The following PKP4 variants were observed in gnomAD, a reference collection of about 807,000 sequenced individuals.
PKP4 encodes plakophilin-4.
A neutral mutation model predicts 145.1 loss-of-function variants in PKP4; 90 were observed. The ratio of observed to expected loss-of-function variants is 0.62; its 90% CI spans 0.52 to 0.74. PKP4 has a LOEUF of 0.74. Ranked by LOEUF, PKP4 falls within the 30% of genes least tolerant of loss-of-function variation. The probability of loss-of-function intolerance (pLI) is 0.00; values close to 1 mark genes in which losing one functional copy is unlikely to be tolerated. For synonymous variants in PKP4, 563 were observed against 577.2 expected (o/e 0.98, Z 0.35); for missense variants, 1,340 against 1,482.7 (o/e 0.90, Z 1.58).
chr2:158,636,273 G>A (rs1014909559), intron 9 of PKP4, among the ~76,000 whole-genome samples: 1 of 151,566 alleles, frequency 6.6e-6, no homozygotes, highest in Admixed American at 6.6e-5. Flanking sequence ...TTTTTTAAAG[G>A]ATTTTTTTTT....
chr2:158,586,243 G>GA (rs2105806162), intron 3 of PKP4, among the ~76,000 whole-genome samples: 1 of 152,274 alleles, frequency 6.6e-6, no homozygotes, highest in East Asian at 1.9e-4. Context: ...TTTTAAGAGG[G>GA]AAAAATATCA....
intron 1 of PKP4, among the ~76,000 whole-genome samples, chr2:158,466,047 G>A (rs148470905): frequency 1.1e-4 from 16 of 152,236 alleles, no homozygotes; most frequent in South Asian, 4.1e-4. Context: ...TAAATCTCCC[G>A]TCCTGTAGTG....
At chr2:158,570,204 A>G (rs1281303582) in intron 2 of PKP4, among the ~76,000 whole-genome samples, 1 of 152,342 alleles carries the variant, frequency 6.6e-6, no homozygotes, top group African/African-American at 2.4e-5. Context: ...ACCTTTGTAA[A>G]TATGACTACT....
intron 2 of PKP4, among the ~76,000 whole-genome samples, chr2:158,572,537 G>A (rs962584300): frequency 3.3e-5 from 5 of 152,160 alleles, no homozygotes; most frequent in African/African-American, 9.7e-5. Context: ...CCATGCCACA[G>A]GCATTTGAGG....
intron 2 of PKP4, among the ~76,000 whole-genome samples, chr2:158,557,958 T>A (rs1480511443): frequency 6.6e-6 from 1 of 152,214 alleles, no homozygotes; most frequent in Non-Finnish European, 1.5e-5. Flanking sequence ...CACATGGACT[T>A]GGACCTTGGT....
intron 2 of PKP4, among the ~76,000 whole-genome samples, chr2:158,541,233 A>G (rs2044500290): frequency 2.0e-5 from 3 of 152,124 alleles, no homozygotes; most frequent in Admixed American, 2.0e-4. Flanking sequence ...AGGGCTCCCA[A>G]TTTCTAAATT....
chr2:158,529,103 T>TG (rs2043274722), intron 1 of PKP4, among the ~76,000 whole-genome samples: 1 of 152,208 alleles, frequency 6.6e-6, no homozygotes. Context: ...CATGGGAGTG[T>TG]GCTACCTTCA....
chr2:158,623,308 A>G (rs908277924), intron 6 of PKP4, among the ~76,000 whole-genome samples: 1 of 152,046 alleles, frequency 6.6e-6, no homozygotes, highest in Non-Finnish European at 1.5e-5. Flanking sequence ...TGGAGTAGCT[A>G]AGACTGCAGG....
At chr2:158,506,984 T>C (rs150232583) in intron 1 of PKP4, among the ~76,000 whole-genome samples, 38 of 152,296 alleles carry the variant, frequency 2.5e-4, no homozygotes, top group African/African-American at 8.9e-4. Flanking sequence ...TTGTCTCTCC[T>C]AAATAACAGT....
intron 2 of PKP4, among the ~76,000 whole-genome samples, chr2:158,544,169 T>C (rs1285075021): frequency 1.3e-5 from 2 of 152,178 alleles, no homozygotes; most frequent in African/African-American, 4.8e-5. Context: ...ACTTCCTAGC[T>C]TTGTGGCTCC....
chr2:158,629,791 A>G (rs574796535), intron 7 of PKP4, among the ~76,000 whole-genome samples: 82 of 151,776 alleles, frequency 5.4e-4, no homozygotes, highest in African/African-American at 1.9e-3. Flanking sequence ...GCTCACTGCA[A>G]CCTCCCGCCC....
intron 2 of PKP4, among the ~76,000 whole-genome samples, chr2:158,572,900 G>A (rs1162402925): frequency 6.6e-6 from 1 of 152,184 alleles, no homozygotes; most frequent in African/African-American, 2.4e-5. Context: ...ATTTATTACT[G>A]GCTGGAACAT....
intron 13 of PKP4, chr2:158,662,288 G>A (rs1301645670): frequency 6.6e-6 from 1 of 152,208 alleles, no homozygotes; most frequent in African/African-American, 2.4e-5. Context: ...TAAGCAAGTT[G>A]GAAAGGGAAG....
intron 1 of PKP4, among the ~76,000 whole-genome samples, chr2:158,514,333 C>A (rs1234094502): frequency 1.3e-5 from 2 of 152,192 alleles, no homozygotes; most frequent in Non-Finnish European, 2.9e-5. Flanking sequence ...CAGTCCATTG[C>A]GTTCTCCATC....
At chr2:158,616,052 A>G (rs1428111673) in intron 4 of PKP4, among the ~76,000 whole-genome samples, 1 of 152,190 alleles carries the variant, frequency 6.6e-6, no homozygotes, top group African/African-American at 2.4e-5. Flanking sequence ...TCCTATGTAT[A>G]TAGTAGCTTA....
At chr2:158,514,019 C>A (rs1468655913) in intron 1 of PKP4, among the ~76,000 whole-genome samples, 1 of 152,206 alleles carries the variant, frequency 6.6e-6, no homozygotes, top group Non-Finnish European at 1.5e-5. Flanking sequence ...TTTACTCTTG[C>A]ATTTATCACA....
At chr2:158,554,091 C>G (rs1024458355) in intron 2 of PKP4, among the ~76,000 whole-genome samples, 2 of 152,042 alleles carry the variant, frequency 1.3e-5, no homozygotes, top group Non-Finnish European at 2.9e-5. Flanking sequence ...ATTCTCCTTG[C>G]CCCCCGGTTG....
intron 17 of PKP4, among the ~76,000 whole-genome samples, chr2:158,670,555 C>G (rs1410891250): frequency 1.3e-5 from 2 of 152,152 alleles, no homozygotes; most frequent in Admixed American, 6.5e-5. Context: ...ATGCCAACTC[C>G]TGGAAGAATT....
intron 1 of PKP4, among the ~76,000 whole-genome samples, chr2:158,519,724 T>C (rs543183476): frequency 7.2e-5 from 11 of 152,338 alleles, no homozygotes; most frequent in African/African-American, 2.6e-4. Flanking sequence ...ACTAATTTTC[T>C]TATCTTAAAA....
Sources: allele counts gnomAD v4.1 joint callset (sites outside exome capture counted in the v4.1 genomes callset), GRCh38; gene constraint gnomAD v4.1.1; transcripts MANE v1.5; gene names NCBI Gene and HGNC (gene_info 2026-07-23, HGNC 2026-07-21).